EFCAB5: variants seen among roughly 807,000 people sequenced by gnomAD.
EFCAB5 encodes EF-hand calcium binding domain 5.
EFCAB5 carries 131 observed loss-of-function variants against 167.9 expected under a neutral mutation model. The ratio of observed to expected loss-of-function variants is 0.78; its 90% CI spans 0.68 to 0.90. The LOEUF (loss-of-function observed/expected upper bound fraction) is 0.90, where lower values mean the gene tolerates loss of function less well. Ranked by LOEUF, EFCAB5 falls within the 40% of genes least tolerant of loss-of-function variation. EFCAB5 has a pLI of 0.00. For missense variants in EFCAB5, 1,663 were observed against 1,745.2 expected (o/e 0.95, Z 0.84); for synonymous variants, 574 against 602.8 (o/e 0.95, Z 0.70).
chr17:29,984,811 C>T (rs1374177071), intron 4 of EFCAB5, among the ~76,000 whole-genome samples: 1 of 152,164 alleles, frequency 6.6e-6, no homozygotes, highest in Non-Finnish European at 1.5e-5. Context: ...TGCTTGTCTG[C>T]TTTTATTTTC....
intron 7 of EFCAB5, among the ~76,000 whole-genome samples, chr17:30,007,417 T>A (rs182666981): frequency 1.3e-5 from 2 of 152,340 alleles, no homozygotes; most frequent in Admixed American, 1.3e-4. Context: ...GGAATAAATT[T>A]ATTCCAGAGT....
intron 3 of EFCAB5, among the ~76,000 whole-genome samples, chr17:29,967,523 T>C (rs551750216): frequency 6.6e-6 from 1 of 152,298 alleles, no homozygotes; most frequent in Admixed American, 6.5e-5. Context: ...GCTCCCAAAT[T>C]TTATAGTGGT....
At position 30,101,171 on chromosome 17, in the gene EFCAB5, G is replaced by C. The variant is rs572003007; in HGVS notation, c.4322-6663G>C. The stretch of plus-strand genomic sequence containing the variant: ...CCCAGTGAATTAGAGCCATTGCAAG[G>C]TTTTAAGCAGAGGAACGATATGACC... On this transcript the variant is annotated intron_variant, in intron 22 of 22. Coordinates refer to ENST00000394835, the MANE Select transcript of EFCAB5 (RefSeq NM_198529.4). 5.9e-5 allele frequency among the ~76,000 whole-genome samples: 9 copies of C among 152,294 alleles called. No homozygotes were observed. In the East Asian group the frequency reaches 1.4e-3, roughly 23 times the overall value.
At chr17:29,967,659 C>T (rs1386382061) in intron 3 of EFCAB5, among the ~76,000 whole-genome samples, 4 of 152,144 alleles carry the variant, frequency 2.6e-5, no homozygotes, top group South Asian at 2.1e-4. Flanking sequence ...TATTCTTGCG[C>T]ATTTTTTAAA....
At chr17:30,018,533 A>G (rs907510719) in intron 7 of EFCAB5, among the ~76,000 whole-genome samples, 3 of 151,974 alleles carry the variant, frequency 2.0e-5, no homozygotes, top group African/African-American at 7.2e-5. Context: ...TGGACTGCCT[A>G]CATTAGGGAA....
At chr17:30,018,287 A>T (rs2069096470) in intron 7 of EFCAB5, among the ~76,000 whole-genome samples, 1 of 152,120 alleles carries the variant, frequency 6.6e-6, no homozygotes, top group Non-Finnish European at 1.5e-5. Flanking sequence ...ACACTGGAAA[A>T]AAAGAAAACA....
chr17:29,937,080 T>C (rs2067251524), upstream of EFCAB5, among the ~76,000 whole-genome samples: 1 of 152,190 alleles, frequency 6.6e-6, no homozygotes, highest in South Asian at 2.1e-4. Context: ...GGAGGCATAA[T>C]CTGATAAAAT....
chr17:30,071,683 A>T (rs961989575), intron 14 of EFCAB5, among the ~76,000 whole-genome samples: 4 of 152,170 alleles, frequency 2.6e-5, no homozygotes, highest in Non-Finnish European at 5.9e-5. Context: ...TGTTAAAGAG[A>T]TTTCTACATT....
At chr17:30,020,235 G>A (rs2069142512) in intron 7 of EFCAB5, among the ~76,000 whole-genome samples, 1 of 152,002 alleles carries the variant, frequency 6.6e-6, no homozygotes, top group Non-Finnish European at 1.5e-5. Flanking sequence ...AAGAATATTA[G>A]AGTACAGATT....
chr17:30,084,950 C>T (rs2071058685), intron 18 of EFCAB5, among the ~76,000 whole-genome samples: 1 of 152,190 alleles, frequency 6.6e-6, no homozygotes, highest in African/African-American at 2.4e-5. Context: ...CTCCACACAG[C>T]TGTCCTTTGT....
At chr17:30,079,851 T>A (rs2070947016) in intron 15 of EFCAB5, among the ~76,000 whole-genome samples, 1 of 152,170 alleles carries the variant, frequency 6.6e-6, no homozygotes, top group South Asian at 2.1e-4. Flanking sequence ...ACCAGTCCAG[T>A]TGGCATAGAA....
intron 4 of EFCAB5, among the ~76,000 whole-genome samples, chr17:29,971,045 G>A (rs1487657434): frequency 6.7e-6 from 1 of 150,286 alleles, no homozygotes; most frequent in Non-Finnish European, 1.5e-5. Context: ...CTACACTCCA[G>A]CCTGGGCAAC....
At chr17:29,946,648 C>T (rs939538037) in intron 3 of EFCAB5, among the ~76,000 whole-genome samples, 2 of 151,796 alleles carry the variant, frequency 1.3e-5, no homozygotes, top group African/African-American at 2.4e-5. Flanking sequence ...CCATGTTGGG[C>T]AGGATGGTCT....
intron 7 of EFCAB5, among the ~76,000 whole-genome samples, chr17:30,009,633 T>A (rs1343964276): frequency 6.6e-6 from 1 of 152,172 alleles, no homozygotes; most frequent in Non-Finnish European, 1.5e-5. Flanking sequence ...TATCCACTCA[T>A]CAGTTGGTGG....
chr17:30,025,729 T>C (rs529563306), intron 7 of EFCAB5, among the ~76,000 whole-genome samples: 2 of 152,328 alleles, frequency 1.3e-5, no homozygotes, highest in South Asian at 4.1e-4. Flanking sequence ...TGTGTGTTTA[T>C]TGTGGCACTA....
intron 8 of EFCAB5, among the ~76,000 whole-genome samples, chr17:30,035,332 G>A (rs2069587601): frequency 6.6e-6 from 1 of 152,106 alleles, no homozygotes; most frequent in African/African-American, 2.4e-5. Flanking sequence ...AAACATAGTG[G>A]GATAATATTT....
At chr17:30,069,075 C>A in intron 14 of EFCAB5, 8 of 1,434,846 alleles carry the variant, frequency 5.6e-6, no homozygotes, top group Non-Finnish European at 5.9e-6. Flanking sequence ...GTAAACTTTA[C>A]TCAGAACAAA....
At chr17:30,070,809 G>C (rs1428747927) in intron 14 of EFCAB5, among the ~76,000 whole-genome samples, 2 of 151,882 alleles carry the variant, frequency 1.3e-5, no homozygotes, top group East Asian at 3.9e-4. Flanking sequence ...AATTAGCCAG[G>C]CATGGTGGCA....
chr17:30,015,065 T>G (rs1041495116), intron 7 of EFCAB5, among the ~76,000 whole-genome samples: 5 of 152,210 alleles, frequency 3.3e-5, no homozygotes, highest in African/African-American at 1.2e-4. Context: ...TGAAGCTTAG[T>G]TTGGCTGGAT....
Sources: allele counts gnomAD v4.1 joint callset (sites outside exome capture counted in the v4.1 genomes callset), GRCh38; gene constraint gnomAD v4.1.1; transcripts MANE v1.5; gene names NCBI Gene and HGNC (gene_info 2026-07-23, HGNC 2026-07-21).